Variants in DEUP1 observed in about 807,000 individuals in gnomAD.
DEUP1 encodes deuterosome assembly protein 1.
Under a neutral mutation model 87.4 loss-of-function variants are expected in DEUP1, and 82 were observed. The ratio of observed to expected loss-of-function variants is 0.94; its 90% confidence interval spans 0.78 to 1.13. The LOEUF (loss-of-function observed/expected upper bound fraction) is 1.13. Among genes scored for constraint, DEUP1 ranks in the 50% most tolerant of loss-of-function variants. DEUP1 has a pLI of 0.00. For synonymous variants in DEUP1, 214 were observed against 222.7 expected (o/e 0.96, Z 0.35); for missense variants, 663 against 681.5 (o/e 0.97, Z 0.30).
At chr11:93,372,660 C>T (rs886273803) in intron 7 of DEUP1, among the ~76,000 whole-genome samples, 5 of 152,158 alleles carry the variant, frequency 3.3e-5, no homozygotes, top group Non-Finnish European at 1.5e-5. Context: ...CATTCAGAGG[C>T]AATTGTAAGA....
intron 7 of DEUP1, among the ~76,000 whole-genome samples, chr11:93,373,323 C>T (rs1242701599): frequency 3.3e-5 from 5 of 151,772 alleles, no homozygotes; most frequent in African/African-American, 1.2e-4. Flanking sequence ...TACACTGTAC[C>T]CAATTTGTAG....
At chr11:93,376,191 GCCTTGGCCT>G (rs1946031717) in intron 7 of DEUP1, among the ~76,000 whole-genome samples, 1 of 152,076 alleles carries the variant, frequency 6.6e-6, no homozygotes, top group African/African-American at 2.4e-5. Flanking sequence ...TGATCTGCCC[GCCTTGGCCT>G]GCCAAAGCGC....
intron 9 of DEUP1, among the ~76,000 whole-genome samples, chr11:93,393,590 C>A (rs1207863320): frequency 6.6e-6 from 1 of 152,206 alleles, no homozygotes; most frequent in Non-Finnish European, 1.5e-5. Flanking sequence ...AAACACACTG[C>A]CACTACATAC....
At chr11:93,406,629 TA>T (rs1157524070) in intron 11 of DEUP1, among the ~76,000 whole-genome samples, 2 of 151,864 alleles carry the variant, frequency 1.3e-5, no homozygotes, top group South Asian at 2.1e-4. Flanking sequence ...ATAAAAATTG[TA>T]AAAAACTTTG....
chr11:93,419,903 G>A (rs1378304771), intron 13 of DEUP1, among the ~76,000 whole-genome samples: 1 of 150,900 alleles, frequency 6.6e-6, no homozygotes, highest in Non-Finnish European at 1.5e-5. Context: ...AACAGGCTCT[G>A]AAATTGTGGC....
chr11:93,405,859 T>C (rs2134407677), intron 11 of DEUP1, among the ~76,000 whole-genome samples: 2 of 152,048 alleles, frequency 1.3e-5, no homozygotes, highest in Non-Finnish European at 2.9e-5. Context: ...TTTTATAGAC[T>C]TTGAACCATA....
In DEUP1 at chr11:93,437,562, T is replaced by A; in HGVS notation, c.1658T>A (p.Phe553Tyr). 12 of 1,613,222 alleles carry A rather than the reference T, an allele frequency of 7.4e-6. No homozygotes were observed. The highest frequency in any genetic ancestry group is 1.0e-5 in the Non-Finnish European group (12 of 1,179,544). The part of the protein sequence containing the change: ...VFPLSPPDMS[F>Y]PASLAAQHFL... ...CTTTAGTCTCCCCCAGATATGTCCTTCCCAGCATCTTTGGCTGCACAGCAT... is the reference window on the plus strand; with the variant it reads ...CTTTAGTCTCCCCCAGATATGTCCTACCCAGCATCTTTGGCTGCACAGCAT... The change falls in exon 14 of 14, where the codon TTC becomes TAC. Residue 553 changes from phenylalanine (F) to tyrosine (Y), a missense_variant. Transcript: ENST00000298050.
chr11:93,388,022 T>C (rs369609353), intron 8 of DEUP1, among the ~76,000 whole-genome samples: 12 of 152,296 alleles, frequency 7.9e-5, no homozygotes, highest in African/African-American at 2.6e-4. Context: ...TGATATACTT[T>C]GTTATCCACA....
At chr11:93,363,432 T>C (rs943111443) in intron 4 of DEUP1, among the ~76,000 whole-genome samples, 3 of 151,828 alleles carry the variant, frequency 2.0e-5, no homozygotes, top group African/African-American at 7.2e-5. Context: ...GGAAACTGGG[T>C]GAAGAGAACC....
At chr11:93,365,788 C>A (rs1442430802) in intron 5 of DEUP1, among the ~76,000 whole-genome samples, 2 of 152,166 alleles carry the variant, frequency 1.3e-5, no homozygotes, top group East Asian at 3.8e-4. Flanking sequence ...AAAAACACTT[C>A]ATGTACCTGT....
At chr11:93,393,678 C>T (rs2658774) in intron 9 of DEUP1, among the ~76,000 whole-genome samples, 71,243 of 151,798 alleles carry the variant, frequency 0.47, 17,317 homozygotes, top group Admixed American at 0.61. Flanking sequence ...TTTTTTTAGA[C>T]GGATGATTAT....
At chr11:93,348,378 CT>C (rs2134188599) in intron 2 of DEUP1, among the ~76,000 whole-genome samples, 1 of 152,128 alleles carries the variant, frequency 6.6e-6, no homozygotes, top group South Asian at 2.1e-4. Context: ...CTTCTGCTAG[CT>C]TTGGGGTTGG....
chr11:93,365,754 T>C lies in DEUP1; in HGVS notation c.432+1460T>C, dbSNP rs184935267. Among the ~76,000 whole-genome samples the C allele has an allele frequency of 1.3e-3, 198 of 152,332 alleles. 1 individual carries two copies. The highest frequency in any genetic ancestry group is 4.5e-3 in the African/African-American group (189 of 41,588). On this transcript the variant is annotated intron_variant, in intron 5 of 13. Transcript: ENST00000298050. ...AGTTTTTAAAGACTCTATGCAGATA[T>C]ACAGTTTAACTTGAAATAATTATAA...
intron 13 of DEUP1, among the ~76,000 whole-genome samples, chr11:93,434,150 A>G (rs1284084690): frequency 6.6e-6 from 1 of 152,204 alleles, no homozygotes; most frequent in Non-Finnish European, 1.5e-5. Context: ...ACCTTCTTCC[A>G]TAGCTTCCAT....
chr11:93,419,290 T>C (rs1355066237), intron 13 of DEUP1, among the ~76,000 whole-genome samples: 1 of 151,966 alleles, frequency 6.6e-6, no homozygotes, highest in Non-Finnish European at 1.5e-5. Flanking sequence ...GGAAAGCAGA[T>C]GCGCTCTTCA....
At chr11:93,403,776 CTA>C (rs1947190010) in intron 11 of DEUP1, among the ~76,000 whole-genome samples, 1 of 151,468 alleles carries the variant, frequency 6.6e-6, no homozygotes, top group African/African-American at 2.4e-5. Context: ...TTTATCATAT[CTA>C]TTATATATTA....
At chr11:93,339,692 G>A (rs1429804140) in intron 2 of DEUP1, among the ~76,000 whole-genome samples, 2 of 152,178 alleles carry the variant, frequency 1.3e-5, no homozygotes, top group Admixed American at 1.3e-4. Flanking sequence ...GACACTTTGA[G>A]TGGTAATGAT....
upstream of DEUP1, among the ~76,000 whole-genome samples, chr11:93,330,409 A>T (rs1202433789): frequency 6.6e-6 from 1 of 152,194 alleles, no homozygotes; most frequent in Non-Finnish European, 1.5e-5. Flanking sequence ...AGAGGAAAGG[A>T]CCCAGAATAG....
intron 2 of DEUP1, among the ~76,000 whole-genome samples, chr11:93,334,563 T>C (rs1375162129): frequency 6.6e-6 from 1 of 151,838 alleles, no homozygotes; most frequent in Non-Finnish European, 1.5e-5. Flanking sequence ...AAAGATACTT[T>C]GGTAAGGCAG....
Sources: gnomAD v4.1 joint callset for allele counts (sites outside exome capture counted in the v4.1 genomes callset) on GRCh38, gnomAD v4.1.1 for gene constraint, MANE v1.5 for transcripts, NCBI Gene and HGNC (gene_info 2026-07-23, HGNC 2026-07-21) for gene names.